The following BCORL1 variants were observed in gnomAD, a reference collection of about 807,000 sequenced individuals.
The protein encoded by BCORL1 is BCL6 corepressor like 1.
Under a neutral mutation model 87.6 loss-of-function variants are expected in BCORL1, and 7 were observed. The ratio of observed to expected loss-of-function variants is 0.08; its 90% CI spans 0.05 to 0.15. The LOEUF is 0.15. Ranked by LOEUF, BCORL1 falls within the 10% of genes least tolerant of loss-of-function variation. BCORL1 has a pLI of 1.00. For missense variants in BCORL1, 1,215 were observed against 1,499.7 expected (o/e 0.81, Z 3.13); for synonymous variants, 591 against 634.4 (o/e 0.93, Z 1.03).
At chrX:130,012,750 C>T in intron 3 of BCORL1, 82 bp downstream of exon 3, 1 of 1,039,394 alleles carries the variant, frequency 9.6e-7, no homozygotes, top group Non-Finnish European at 1.3e-6. Context: ...CCTGCCATCC[C>T]AGGAAGTGGG....
In BCORL1 at chrX:130,047,729, G is replaced by A. The variant is rs1395641278; in HGVS notation, c.4841-2988G>A. On this transcript the variant is annotated intron_variant, in intron 11 of 13. Transcript: ENST00000540052. The stretch of plus-strand genomic sequence containing the variant: ...GGTTAAGCAAGCACTTTCTAGTCTC[G>A]CCTTGTAGGAATTCCTCCCTCCTTT... 3.6e-5 allele frequency among the ~76,000 whole-genome samples: 4 copies of A among 111,488 alleles called. No homozygotes were observed. The East Asian group carries it at 8.4e-4, about 24-fold the overall frequency.
At chrX:130,039,370 A>G (rs1931180213) in intron 11 of BCORL1, 88 bp downstream of exon 11, 16 of 1,067,672 alleles carry the variant, frequency 1.5e-5, no homozygotes, top group African/African-American at 1.8e-5. Flanking sequence ...ATCTCCTTCC[A>G]CCTTGAACAG....
chrX:130,053,669 C>T (rs1211380114), intron 13 of BCORL1, among the ~76,000 whole-genome samples: 13 of 111,596 alleles, frequency 1.2e-4, no homozygotes, highest in Admixed American at 1.1e-3. Flanking sequence ...CTCTAGCGCT[C>T]GCTCTAGAGC....
At chrX:130,038,563 C>T (rs993261097) in intron 10 of BCORL1, among the ~76,000 whole-genome samples, 1 of 109,412 alleles carries the variant, frequency 9.1e-6, no homozygotes, top group Admixed American at 9.8e-5. Flanking sequence ...CTCGCTGCAA[C>T]CTCTGCCTCC....
At chrX:129,989,068 G>A (rs986732454) in intron 1 of BCORL1, among the ~76,000 whole-genome samples, 3 of 111,380 alleles carry the variant, frequency 2.7e-5, no homozygotes, top group Non-Finnish European at 5.6e-5. Context: ...TTTGGAGACC[G>A]ACAACCTCAG....
chrX:130,003,935 G>A (rs73633941), intron 1 of BCORL1, among the ~76,000 whole-genome samples: 414 of 111,642 alleles, frequency 3.7e-3, no homozygotes, highest in African/African-American at 0.012. Flanking sequence ...CAAATCCCTC[G>A]TACAACTATA....
At chrX:130,019,559 C>G (rs1929659426) in intron 4 of BCORL1, among the ~76,000 whole-genome samples, 1 of 111,875 alleles carries the variant, frequency 8.9e-6, no homozygotes, top group African/African-American at 3.3e-5. Context: ...ATTTTTAGCT[C>G]AGGCCTCTGC....
intron 1 of BCORL1, among the ~76,000 whole-genome samples, chrX:129,987,491 A>C (rs1232225348): frequency 8.9e-6 from 1 of 111,846 alleles, no homozygotes; most frequent in Non-Finnish European, 1.9e-5. Flanking sequence ...CATTAATTAG[A>C]AAATCTAGAC....
chrX:130,003,175 C>T (rs973393992), intron 1 of BCORL1, among the ~76,000 whole-genome samples: 1 of 110,737 alleles, frequency 9.0e-6, no homozygotes, highest in Non-Finnish European at 1.9e-5. Flanking sequence ...GTTCCCTCAG[C>T]CTGGAATGCT....
intron 1 of BCORL1, among the ~76,000 whole-genome samples, chrX:130,002,258 C>G (rs1160977999): frequency 2.7e-5 from 3 of 109,946 alleles, no homozygotes; most frequent in Admixed American, 9.8e-5. Flanking sequence ...CAATTAACAG[C>G]AAGTTGCTGG....
chrX:129,989,281 G>A (rs1437196764), intron 1 of BCORL1, among the ~76,000 whole-genome samples: 2 of 102,047 alleles, frequency 2.0e-5, no homozygotes, highest in Non-Finnish European at 4.0e-5. Flanking sequence ...GACTACAGGC[G>A]CCCGCCACCA....
At chrX:130,045,893 C>G (rs899859330) in intron 11 of BCORL1, among the ~76,000 whole-genome samples, 1 of 110,740 alleles carries the variant, frequency 9.0e-6, no homozygotes, top group Admixed American at 9.7e-5. Flanking sequence ...ACTAGGATTA[C>G]AAGTGTGAGC....
At chrX:130,003,652 T>C (rs1004675932) in intron 1 of BCORL1, among the ~76,000 whole-genome samples, 2 of 111,898 alleles carry the variant, frequency 1.8e-5, no homozygotes, top group Non-Finnish European at 3.8e-5. Context: ...ATTACAGGCA[T>C]GAGCCACTGC....
intron 11 of BCORL1, among the ~76,000 whole-genome samples, chrX:130,041,021 C>T (rs891107302): frequency 1.8e-4 from 20 of 110,503 alleles, no homozygotes; most frequent in Middle Eastern, 9.3e-3. Flanking sequence ...CTTCCCCAAT[C>T]CCTTCTCCAA....
chrX:130,004,564 G>A (rs943587099), intron 1 of BCORL1, among the ~76,000 whole-genome samples: 3 of 112,067 alleles, frequency 2.7e-5, no homozygotes, highest in Non-Finnish European at 3.8e-5. Flanking sequence ...AGTTCTGGAT[G>A]GAACGTTGTT....
At position 129,986,824 on chromosome X, in the gene BCORL1, CAAAAACAAAAAAACAA is replaced by C. The variant is rs201107934; in HGVS notation, c.-45+4076_-45+4091del. Among the ~76,000 whole-genome samples the C allele has an allele frequency of 9.2e-5, 10 of 108,932 alleles. No individual in the cohort carries two copies. In the East Asian group the frequency reaches 2.9e-3, roughly 31 times the overall value. The allele number at this position is 108,932 out of a possible 115,157, so 94.6% of individuals were successfully genotyped here. On this transcript the variant is annotated intron_variant, in intron 1 of 13. Coordinates refer to ENST00000540052, the MANE Select transcript of BCORL1 (RefSeq NM_001379451.1). ...ACAGAGCGAGAGTCCATCTCAAAAA[CAAAAACAAAAAAACAA>C]AAAAACAAAAAAAGAAAAAAGAAAA...
intron 1 of BCORL1, among the ~76,000 whole-genome samples, chrX:129,990,787 A>G (rs1210380576): frequency 9.0e-6 from 1 of 111,604 alleles, no homozygotes; most frequent in Non-Finnish European, 1.9e-5. Context: ...ATGCTGTAAC[A>G]CTGCTCAATA....
At chrX:130,019,493 C>T in intron 4 of BCORL1, among the ~76,000 whole-genome samples, 1 of 112,545 alleles carries the variant, frequency 8.9e-6, no homozygotes, top group Non-Finnish European at 1.9e-5. Context: ...CTTTCCTCCT[C>T]CTAACACTTT....
intron 8 of BCORL1, 128 bp downstream of exon 8, chrX:130,028,989 C>T (rs1930417794): frequency 3.6e-6 from 2 of 549,213 alleles, no homozygotes; most frequent in Non-Finnish European, 5.9e-6. Context: ...AACTAGTTCT[C>T]GAAGGGTTGG....
Sources: gnomAD v4.1 joint callset for allele counts (sites outside exome capture counted in the v4.1 genomes callset) on GRCh38, gnomAD v4.1.1 for gene constraint, MANE v1.5 for transcripts, NCBI Gene and HGNC (gene_info 2026-07-23, HGNC 2026-07-21) for gene names.